Variants in GRM7 observed in about 807,000 individuals in gnomAD.
GRM7 encodes the protein metabotropic glutamate receptor 7.
GRM7 carries 35 observed loss-of-function variants against 84.5 expected under a neutral mutation model. The ratio of observed to expected loss-of-function variants is 0.41; its 90% CI spans 0.32 to 0.55. The LOEUF (loss-of-function observed/expected upper bound fraction) is 0.55. Among genes scored for constraint, GRM7 ranks in the 20% least tolerant of loss-of-function variants. The probability of loss-of-function intolerance (pLI) is 0.19; values close to 1 mark genes in which losing one functional copy is unlikely to be tolerated. For synonymous variants in GRM7, 487 were observed against 455.1 expected (o/e 1.07, Z -0.89); for missense variants, 1,003 against 1,194.6 (o/e 0.84, Z 2.36).
chr3:6,987,469 A>G (rs747721761), intron 1 of GRM7, among the ~76,000 whole-genome samples: 9 of 152,174 alleles, frequency 5.9e-5, no homozygotes, highest in Non-Finnish European at 1.3e-4. Context: ...GTGGTCAGAG[A>G]AGACCTCTCG....
chr3:7,252,684 T>TTTTTCTTTTCTTTTTTTC lies in GRM7; in HGVS notation c.737-45986_737-45985insTTTCTTTTCTTTTCTTTT, dbSNP rs1553637871. Among the ~76,000 whole-genome samples the TTTTTCTTTTCTTTTTTTC allele has an allele frequency of 5.2e-3, 609 of 118,248 alleles. 2 individuals are homozygous for TTTTTCTTTTCTTTTTTTC. The highest frequency in any genetic ancestry group is 6.6e-3 in the Non-Finnish European group (384 of 58,540). 77.6% of individuals were successfully genotyped at this position (118,248 alleles called of 152,430 possible). On this transcript the variant is annotated intron_variant, in intron 2 of 9. Coordinates refer to ENST00000357716, the MANE Select transcript of GRM7 (RefSeq NM_000844.4). ...TTCTATTTTTTTCTTTTCTTTTCTT[T>TTTTTCTTTTCTTTTTTTC]TTTTCTTTTCTTTTCTTTACTGTGA...
intron 2 of GRM7, among the ~76,000 whole-genome samples, chr3:7,221,398 T>C (rs917580137): frequency 6.6e-6 from 1 of 152,188 alleles, no homozygotes; most frequent in Non-Finnish European, 1.5e-5. Flanking sequence ...AACCTGATTG[T>C]TTGCTATTTT....
At chr3:7,402,204 T>G (rs1011320585) in intron 4 of GRM7, among the ~76,000 whole-genome samples, 2 of 152,180 alleles carry the variant, frequency 1.3e-5, no homozygotes, top group African/African-American at 4.8e-5. Flanking sequence ...TATTCCCAGT[T>G]TCAGGTTACC....
chr3:7,063,007 C>G (rs1228340028), intron 1 of GRM7, among the ~76,000 whole-genome samples: 3 of 151,652 alleles, frequency 2.0e-5, no homozygotes, highest in Admixed American at 6.6e-5. Context: ...TTGGTAGAAA[C>G]CAGAAAGTCA....
chr3:7,187,511 C>A (rs932206464), intron 2 of GRM7, among the ~76,000 whole-genome samples: 1 of 152,144 alleles, frequency 6.6e-6, no homozygotes, highest in Non-Finnish European at 1.5e-5. Context: ...AATTCAAGGG[C>A]AAGTCAGTGG....
At chr3:7,633,513 G>C (rs191622855) in intron 8 of GRM7, among the ~76,000 whole-genome samples, 81 of 152,214 alleles carry the variant, frequency 5.3e-4, no homozygotes, top group Non-Finnish European at 1.6e-4. Flanking sequence ...AAGCCGAGTG[G>C]GGCTGGTGTG....
chr3:7,050,208 C>A (rs2124953513), intron 1 of GRM7, among the ~76,000 whole-genome samples: 1 of 151,864 alleles, frequency 6.6e-6, no homozygotes, highest in East Asian at 1.9e-4. Flanking sequence ...TTGAAATTTC[C>A]CAGTGATCTC....
intron 1 of GRM7, among the ~76,000 whole-genome samples, chr3:7,013,145 A>AAAAC (rs35012621): frequency 8.0e-5 from 12 of 150,406 alleles, no homozygotes; most frequent in African/African-American, 2.4e-4. Flanking sequence ...AAAAAAAAAA[A>AAAAC]GTTCAGAAAC....
chr3:7,057,365 A>T (rs1418820551), intron 1 of GRM7, among the ~76,000 whole-genome samples: 1 of 151,982 alleles, frequency 6.6e-6, no homozygotes, highest in Non-Finnish European at 1.5e-5. Context: ...ATTCTAAATT[A>T]GTAGATACAA....
At chr3:7,564,127 G>A (rs888877988) in intron 7 of GRM7, among the ~76,000 whole-genome samples, 1 of 152,134 alleles carries the variant, frequency 6.6e-6, no homozygotes, top group Admixed American at 6.6e-5. Context: ...GAAGAAAAGG[G>A]TTTATGGGAG....
intron 7 of GRM7, among the ~76,000 whole-genome samples, chr3:7,484,048 A>G (rs2124941122): frequency 6.6e-6 from 1 of 152,338 alleles, no homozygotes; most frequent in Non-Finnish European, 1.5e-5. Context: ...GCAAAGATTC[A>G]AAGATCTGAT....
chr3:7,029,717 C>T (rs886131658), intron 1 of GRM7, among the ~76,000 whole-genome samples: 32 of 151,964 alleles, frequency 2.1e-4, no homozygotes, highest in Non-Finnish European at 4.0e-4. Flanking sequence ...GAGAGAGGAA[C>T]GAGGAGTTAT....
At chr3:6,986,561 C>T (rs1357746570) in intron 1 of GRM7, among the ~76,000 whole-genome samples, 7 of 152,206 alleles carry the variant, frequency 4.6e-5, no homozygotes, top group Non-Finnish European at 1.5e-5. Flanking sequence ...TTCTGCCTCA[C>T]ACCCTCATGT....
chr3:7,368,381 T>C (rs1204195453), intron 4 of GRM7, among the ~76,000 whole-genome samples: 1 of 152,160 alleles, frequency 6.6e-6, no homozygotes, highest in East Asian at 1.9e-4. Flanking sequence ...TTATTTTTTA[T>C]TATAAGTGTT....
chr3:7,497,935 A>T (rs1474505080), intron 7 of GRM7, among the ~76,000 whole-genome samples: 1 of 152,194 alleles, frequency 6.6e-6, no homozygotes, highest in Non-Finnish European at 1.5e-5. Flanking sequence ...TATTACTAAC[A>T]ATCAATAATA....
intron 4 of GRM7, among the ~76,000 whole-genome samples, chr3:7,399,018 A>T (rs1695336020): frequency 1.3e-5 from 2 of 151,788 alleles, no homozygotes; most frequent in Admixed American, 6.6e-5. Flanking sequence ...TATATTTTCT[A>T]TTGATGATTT....
At chr3:7,241,249 A>G (rs558295148) in intron 2 of GRM7, among the ~76,000 whole-genome samples, 1 of 152,322 alleles carries the variant, frequency 6.6e-6, no homozygotes, top group African/African-American at 2.4e-5. Flanking sequence ...GTAAATTTCT[A>G]TATGGAATGT....
chr3:7,095,020 C>T (rs1024294094), intron 1 of GRM7, among the ~76,000 whole-genome samples: 1 of 151,222 alleles, frequency 6.6e-6, no homozygotes, highest in African/African-American at 2.4e-5. Context: ...GTGGCCCATC[C>T]CTGTTGCATT....
At chr3:7,468,625 A>C (rs111267790) in intron 7 of GRM7, among the ~76,000 whole-genome samples, 4,871 of 152,256 alleles carry the variant, frequency 0.032, 268 homozygotes, top group African/African-American at 0.11. Context: ...GCCCCCACCC[A>C]AATCTCATCT....
Sources: gnomAD v4.1 joint callset for allele counts (sites outside exome capture counted in the v4.1 genomes callset) on GRCh38, gnomAD v4.1.1 for gene constraint, MANE v1.5 for transcripts, NCBI Gene and HGNC (gene_info 2026-07-23, HGNC 2026-07-21) for gene names.